The following KCNH5 variants were observed in gnomAD, a reference collection of about 807,000 sequenced individuals.
The protein encoded by KCNH5 is voltage-gated delayed rectifier potassium channel KCNH5.
KCNH5 carries 46 observed loss-of-function variants against 96.1 expected under a neutral mutation model. That is an observed-to-expected ratio of 0.48 (90% CI 0.38 to 0.61). KCNH5 has a LOEUF of 0.61. KCNH5 is among the 20% of genes least tolerant of loss of function. KCNH5 has a pLI of 0.00. For missense variants in KCNH5, 907 were observed against 1,225.8 expected, an observed-to-expected ratio of 0.74 and a Z score of 3.88; for synonymous variants, 439 against 449.8, an observed-to-expected ratio of 0.98 and a Z score of 0.30.
At chr14:63,024,862 A>C (rs1029339903) in intron 1 of KCNH5, among the ~76,000 whole-genome samples, 1 of 152,142 alleles carries the variant, frequency 6.6e-6, no homozygotes, top group Non-Finnish European at 1.5e-5. Context: ...AAAAATTAAA[A>C]AGGAGAGAAA....
chr14:63,045,069 G>A (rs1209834698), intron 1 of KCNH5, 45 bp downstream of exon 1: 6 of 1,450,600 alleles, frequency 4.1e-6, no homozygotes, highest in Admixed American at 1.7e-5. Context: ...GGGCGCGTGT[G>A]GGCGGGATGG....
intron 10 of KCNH5, among the ~76,000 whole-genome samples, chr14:62,725,574 T>C (rs566013728): frequency 6.6e-6 from 1 of 152,114 alleles, no homozygotes; most frequent in Non-Finnish European, 1.5e-5. Flanking sequence ...ATTGATGATA[T>C]CAGAGTGGAA....
intron 7 of KCNH5, among the ~76,000 whole-genome samples, chr14:62,915,288 G>A (rs904367926): frequency 1.3e-5 from 2 of 152,126 alleles, no homozygotes; most frequent in African/African-American, 4.8e-5. Flanking sequence ...TCTTGAGAGC[G>A]GGGACTATAT....
At chr14:62,861,271 G>T (rs984438062) in intron 7 of KCNH5, among the ~76,000 whole-genome samples, 8 of 141,510 alleles carry the variant, frequency 5.7e-5, no homozygotes, top group Non-Finnish European at 1.1e-4. Context: ...TCTAAAAATT[G>T]ATTTTTTTTT....
At chr14:62,715,240 T>A (rs188127437) in intron 10 of KCNH5, among the ~76,000 whole-genome samples, 12 of 152,320 alleles carry the variant, frequency 7.9e-5, no homozygotes, top group African/African-American at 2.6e-4. Context: ...TTGTTTAATG[T>A]CATGGATTCA....
At chr14:62,736,806 G>A (rs114295844) in intron 10 of KCNH5, among the ~76,000 whole-genome samples, 5 of 152,220 alleles carry the variant, frequency 3.3e-5, no homozygotes, top group East Asian at 1.9e-4. Flanking sequence ...CTTTACTGCC[G>A]AGCCACAGTT....
At chr14:62,995,771 C>T (rs376407554) in intron 4 of KCNH5, among the ~76,000 whole-genome samples, 53 of 152,022 alleles carry the variant, frequency 3.5e-4, no homozygotes, top group African/African-American at 1.2e-3. Flanking sequence ...ACTGAGACAA[C>T]GGGAGCAATC....
chr14:62,847,225 C>G (rs966478739), intron 8 of KCNH5, among the ~76,000 whole-genome samples: 1 of 150,126 alleles, frequency 6.7e-6, no homozygotes, highest in African/African-American at 2.4e-5. Context: ...GAGTCTTCTG[C>G]TCTAGTTGTC....
chr14:62,715,519 T>C (rs1730898764), intron 10 of KCNH5, among the ~76,000 whole-genome samples: 1 of 152,176 alleles, frequency 6.6e-6, no homozygotes, highest in Middle Eastern at 3.2e-3. Flanking sequence ...AATGCTACCA[T>C]GTATATATCA....
chr14:62,821,203 GA>G (rs1249516292), intron 8 of KCNH5, among the ~76,000 whole-genome samples: 100 of 144,944 alleles, frequency 6.9e-4, no homozygotes, highest in African/African-American at 1.2e-3. Flanking sequence ...AATCATATGG[GA>G]AAAAAAAAAG....
chr14:62,782,839 A>T (rs1031746431), intron 9 of KCNH5, among the ~76,000 whole-genome samples: 1 of 152,044 alleles, frequency 6.6e-6, no homozygotes, highest in Non-Finnish European at 1.5e-5. Flanking sequence ...AAATGAAATA[A>T]AAAAAATAAC....
chr14:62,789,293 G>C (rs1317410830), intron 9 of KCNH5, among the ~76,000 whole-genome samples: 2 of 151,900 alleles, frequency 1.3e-5, no homozygotes, highest in African/African-American at 2.4e-5. Flanking sequence ...ATATTCCATT[G>C]CATATACATA....
At chr14:63,011,254 G>A (rs946389909) in intron 2 of KCNH5, among the ~76,000 whole-genome samples, 18 of 152,024 alleles carry the variant, frequency 1.2e-4, no homozygotes, top group East Asian at 9.7e-4. Context: ...AGGCTGAGGC[G>A]GGCAGATCAC....
intron 8 of KCNH5, among the ~76,000 whole-genome samples, chr14:62,808,629 T>A (rs527314897): frequency 8.5e-5 from 13 of 152,272 alleles, no homozygotes; most frequent in Admixed American, 3.3e-4. Context: ...TGTGAAATGG[T>A]GTTTTGCTTT....
chr14:62,897,957 G>A (rs905675946), intron 7 of KCNH5, among the ~76,000 whole-genome samples: 2 of 152,090 alleles, frequency 1.3e-5, no homozygotes, highest in African/African-American at 4.8e-5. Flanking sequence ...GTTTTAATTT[G>A]GATGTGAAAA....
At chr14:62,928,834 G>A (rs1008215397) in intron 7 of KCNH5, among the ~76,000 whole-genome samples, 1 of 151,906 alleles carries the variant, frequency 6.6e-6, no homozygotes, top group African/African-American at 2.4e-5. Context: ...TCATCTCACT[G>A]ACCACTACAT....
At chr14:63,023,529 G>T (rs1333355368) in intron 1 of KCNH5, among the ~76,000 whole-genome samples, 1 of 152,032 alleles carries the variant, frequency 6.6e-6, no homozygotes, top group African/African-American at 2.4e-5. Context: ...CTGCATACAG[G>T]AATTTCAATA....
intron 7 of KCNH5, among the ~76,000 whole-genome samples, chr14:62,926,359 T>G (rs1889476469): frequency 6.6e-6 from 1 of 152,096 alleles, no homozygotes; most frequent in Non-Finnish European, 1.5e-5. Flanking sequence ...ATTTTTTCCA[T>G]GCAACTTAGG....
At chr14:62,896,965 A>C (rs538778180) in intron 7 of KCNH5, among the ~76,000 whole-genome samples, 171 of 152,354 alleles carry the variant, frequency 1.1e-3, no homozygotes, top group African/African-American at 3.8e-3. Flanking sequence ...AGGAATATAC[A>C]TAACAAGCAG....
Sources: allele counts gnomAD v4.1 joint callset (sites outside exome capture counted in the v4.1 genomes callset), GRCh38; gene constraint gnomAD v4.1.1; transcripts MANE v1.5; gene names NCBI Gene and HGNC (gene_info 2026-07-23, HGNC 2026-07-21).